The following RGS6 variants were observed in gnomAD, a reference collection of about 807,000 sequenced individuals.
RGS6 encodes regulator of G-protein signaling 6.
A neutral mutation model predicts 78.5 loss-of-function variants in RGS6; 30 were observed. The observed-to-expected ratio is 0.38, with a 90% CI of 0.29 to 0.52. RGS6 has a LOEUF of 0.52. Among genes scored for constraint, RGS6 ranks in the 20% least tolerant of loss-of-function variants. The pLI is 0.85. For synonymous variants in RGS6, 206 were observed against 206.0 expected (o/e 1.00, Z 0.00); for missense variants, 495 against 609.7 (o/e 0.81, Z 1.98).
At chr14:72,374,775 C>T (rs144754552) in intron 3 of RGS6, among the ~76,000 whole-genome samples, 43 of 152,112 alleles carry the variant, frequency 2.8e-4, no homozygotes, top group African/African-American at 8.7e-4. Context: ...TTAGATCATA[C>T]GAAATTGCCA....
intron 2 of RGS6, among the ~76,000 whole-genome samples, chr14:72,337,060 T>C (rs2076161706): frequency 1.3e-5 from 2 of 152,182 alleles, no homozygotes; most frequent in African/African-American, 4.8e-5. Flanking sequence ...ATGTCTCGAT[T>C]TGGAGTGGGG....
At chr14:72,478,497 A>G (rs908635126) in intron 12 of RGS6, among the ~76,000 whole-genome samples, 168 bp downstream of exon 12, 2 of 152,162 alleles carry the variant, frequency 1.3e-5, no homozygotes, top group African/African-American at 4.8e-5. Context: ...AACTAAGATA[A>G]CAGACCTCCC....
At chr14:71,882,612 A>G in the RGS6 span, among the ~76,000 whole-genome samples, 2 of 152,204 alleles carry the variant, frequency 1.3e-5, no homozygotes, top group Non-Finnish European at 2.9e-5. Flanking sequence ...AGGGATGCTT[A>G]CCTTTGTCTG....
chr14:72,208,341 A>G (rs1274329695), intron 2 of RGS6, among the ~76,000 whole-genome samples: 2 of 152,346 alleles, frequency 1.3e-5, no homozygotes, highest in East Asian at 3.9e-4. Context: ...TCCTGGTGAT[A>G]CTGGGATGAG....
the RGS6 span, among the ~76,000 whole-genome samples, chr14:71,868,590 G>T: frequency 6.6e-6 from 1 of 152,186 alleles, no homozygotes; most frequent in Non-Finnish European, 1.5e-5. Context: ...ACACAGTACA[G>T]ATATGAAAGA....
Position 72,090,593 on chromosome 14 carries a change from C to G in RGS6, c.84+125718C>G, listed in dbSNP as rs568044348. 1.1e-3 allele frequency among the ~76,000 whole-genome samples: 173 copies of G among 152,336 alleles called. 2 individuals are homozygous for G. In the Middle Eastern group the frequency reaches 0.02, roughly 18 times the overall value. On this transcript the variant is annotated intron_variant, in intron 2 of 17. Transcript: ENST00000553525. The stretch of plus-strand genomic sequence containing the variant: ...CATCCCAAAATGGTCTCTCCCGACT[C>G]CCCACTATCCATGGACAAATCGTAT...
intron 2 of RGS6, among the ~76,000 whole-genome samples, chr14:72,133,976 A>G (rs1037147049): frequency 3.3e-5 from 5 of 152,178 alleles, no homozygotes; most frequent in African/African-American, 1.2e-4. Flanking sequence ...CCCAACCCAG[A>G]CATAGCATCT....
chr14:72,016,467 G>A (rs182518533), intron 2 of RGS6, among the ~76,000 whole-genome samples: 2,303 of 152,250 alleles, frequency 0.015, 31 homozygotes, highest in Non-Finnish European at 0.018. Context: ...GCGGGTTCAC[G>A]CCATTCTCCT....
chr14:72,305,875 T>A (rs2067125783), intron 2 of RGS6, among the ~76,000 whole-genome samples: 1 of 152,224 alleles, frequency 6.6e-6, no homozygotes, highest in Non-Finnish European at 1.5e-5. Context: ...GGCCAAAAGC[T>A]AGACCTCTTG....
chr14:72,168,410 G>T (rs2096959911), intron 2 of RGS6, among the ~76,000 whole-genome samples: 1 of 152,188 alleles, frequency 6.6e-6, no homozygotes, highest in South Asian at 2.1e-4. Context: ...GTGACCCAGA[G>T]CATGGTCTAG....
chr14:71,873,164 G>A, the RGS6 span, among the ~76,000 whole-genome samples: 2 of 152,122 alleles, frequency 1.3e-5, no homozygotes, highest in Non-Finnish European at 2.9e-5. Flanking sequence ...TCCAGTAATG[G>A]GATGGCTGGG....
In RGS6 at chr14:72,312,097, G is replaced by T. The variant is rs1324150922; in HGVS notation, c.85-39998G>T. Among the ~76,000 whole-genome samples the T allele has an allele frequency of 2.0e-5, 3 of 152,264 alleles. No individual in the cohort carries two copies. The South Asian group carries it at 6.2e-4, about 32-fold the overall frequency. On this transcript the variant is annotated intron_variant, in intron 2 of 17. Coordinates refer to ENST00000553525, the MANE Select transcript of RGS6 (RefSeq NM_001204424.2). ...CTTGGGGGCAGCCTGAGGTTACCAG[G>T]TTCACCTTTGCTCATTCTGCGCAAG...
chr14:72,218,185 A>G (rs534016848), intron 2 of RGS6, among the ~76,000 whole-genome samples: 1 of 152,044 alleles, frequency 6.6e-6, no homozygotes, highest in East Asian at 1.9e-4. Context: ...TATTTTGGGG[A>G]TGATAGATGA....
At chr14:72,207,259 T>C (rs1180086552) in intron 2 of RGS6, among the ~76,000 whole-genome samples, 1 of 152,226 alleles carries the variant, frequency 6.6e-6, no homozygotes, top group Non-Finnish European at 1.5e-5. Context: ...TTTCACAATA[T>C]GGGATAAATG....
intron 3 of RGS6, among the ~76,000 whole-genome samples, chr14:72,438,079 A>G (rs938214184): frequency 6.6e-6 from 1 of 152,110 alleles, no homozygotes; most frequent in Non-Finnish European, 1.5e-5. Flanking sequence ...GAAATAACAG[A>G]CAGGTTCCAG....
chr14:72,262,728 T>C (rs1422452796), intron 2 of RGS6, among the ~76,000 whole-genome samples: 2 of 152,238 alleles, frequency 1.3e-5, no homozygotes, highest in South Asian at 2.1e-4. Flanking sequence ...TGAAATTTTC[T>C]TTTCCAAATG....
intron 13 of RGS6, among the ~76,000 whole-genome samples, chr14:72,504,828 A>C (rs2096776513): frequency 6.8e-6 from 1 of 147,414 alleles, no homozygotes; most frequent in Non-Finnish European, 1.5e-5. Context: ...ATCTCAGCTC[A>C]CTGCAACCTC....
At chr14:72,302,561 C>A (rs1331001711) in intron 2 of RGS6, among the ~76,000 whole-genome samples, 4 of 152,192 alleles carry the variant, frequency 2.6e-5, no homozygotes, top group Admixed American at 2.6e-4. Flanking sequence ...AAACTCATAT[C>A]TCCTCTGATG....
intron 2 of RGS6, among the ~76,000 whole-genome samples, chr14:72,038,780 C>T (rs2092055237): frequency 6.6e-6 from 1 of 152,076 alleles, no homozygotes; most frequent in Admixed American, 6.6e-5. Flanking sequence ...TTGCTAAATA[C>T]ATTCATTAGT....
Sources: allele counts gnomAD v4.1 joint callset (sites outside exome capture counted in the v4.1 genomes callset), GRCh38; gene constraint gnomAD v4.1.1; transcripts MANE v1.5; gene names NCBI Gene and HGNC (gene_info 2026-07-23, HGNC 2026-07-21).